DNAH10: variants seen among roughly 807,000 people sequenced by gnomAD.
DNAH10 encodes the protein dynein axonemal heavy chain 10.
Under a neutral mutation model 506.6 loss-of-function variants are expected in DNAH10, and 348 were observed. The observed-to-expected ratio is 0.69, with a 90% CI of 0.63 to 0.75. DNAH10 has a LOEUF of 0.75. DNAH10 is among the 30% of genes least tolerant of loss of function. The pLI, the probability that DNAH10 is intolerant of heterozygous loss-of-function variation, is 0.00. For missense variants in DNAH10, 5,179 were observed against 5,787.1 expected (o/e 0.89, Z 3.41); for synonymous variants, 2,059 against 2,198.6 (o/e 0.94, Z 1.78).
chr12:123,928,276 G>C lies in DNAH10; in HGVS notation c.12106-111G>C. 1.7e-5 allele frequency: 21 copies of C among 1,240,724 alleles called. No individual in the cohort carries two copies. Among genetic ancestry groups the C allele is most frequent in the Non-Finnish European group, 2.3e-5 (21 of 906,172 alleles). 76.9% of individuals were successfully genotyped at this position (1,240,724 alleles called of 1,614,324 possible). A position where few individuals can be genotyped will look rare whatever the true frequency, so the allele number is the denominator to read the frequency against. ...CTCCTGGATCCTCGGCTTGCTTTTG[G>C]CTTCTGCTGGAGCTGCCATCGCCCT... On this transcript the variant is annotated intron_variant, in intron 69 of 78. Coordinates refer to ENST00000673944, the MANE Select transcript of DNAH10 (RefSeq NM_001372106.1). The surrounding 1 kb of genome is among the most constrained non-coding windows in gnomAD (Gnocchi z 4.9).
chr12:123,919,732 G>A lies in DNAH10; in HGVS notation c.11506+783G>A, dbSNP rs1174188431. Among the ~76,000 whole-genome samples the A allele has an allele frequency of 3.3e-5, 5 of 152,188 alleles. No homozygotes were observed. The highest frequency in any genetic ancestry group is 4.4e-5 in the Non-Finnish European group (3 of 68,048). ...CATACGGTGTGTGACTTCATGACTG[G>A]TATCTTTCACTCCACTCCGTGACCT... On this transcript the variant is annotated intron_variant, in intron 65 of 78. Transcript: ENST00000673944. The surrounding 1 kb of genome is among the most constrained non-coding windows in gnomAD (Gnocchi z 4.9).
chr12:123,870,606 A>C, intron 44 of DNAH10, 121 bp downstream of exon 44: 1 of 1,388,850 alleles, frequency 7.2e-7, no homozygotes. Context: ...GAGCTGGTAG[A>C]GAAGAATTGA....
chr12:123,811,787 G>A (rs1340935611), intron 19 of DNAH10, among the ~76,000 whole-genome samples: 4 of 152,032 alleles, frequency 2.6e-5, no homozygotes, highest in Admixed American at 6.6e-5. Flanking sequence ...ACAGGCGTGA[G>A]CCACTGCGCC....
chr12:123,910,651 A>C lies in DNAH10; in HGVS notation c.10113A>C (p.Glu3371Asp). 6.2e-7 allele frequency: 1 copy of C among 1,611,286 alleles called. No homozygotes were observed. The highest frequency in any genetic ancestry group is 1.1e-5 in the South Asian group (1 of 91,038). Residue 3371 changes from glutamate (E) to aspartate (D), a missense_variant, in exon 59 of 79, where the codon GAA becomes GAC. Around this residue, in one of 3 missense-constraint regions of DNAH10, gnomAD observed 4,844 missense variants for 5,430.5 expected, o/e 0.89. Coordinates refer to ENST00000673944, the MANE Select transcript of DNAH10 (RefSeq NM_001372106.1). ...TGGGCTACTGTGATGTTTTCAGAGA[A>C]ATCAAGCCCAAAAGAGAGAAGGTAT... ...AVMGYCDVFR[E>D]IKPKREKVAR... is the part of the protein sequence containing the mutation.
In DNAH10 at chr12:123,909,727, T is replaced by C. The variant is rs1420608499; in HGVS notation, c.9997+285T>C. 6.6e-6 allele frequency among the ~76,000 whole-genome samples: 1 copy of C among 152,236 alleles called. No individual in the cohort carries two copies. The highest frequency in any genetic ancestry group is 1.5e-5 in the Non-Finnish European group (1 of 68,042). ...GTGTCAGGAAACAGGATCTTCTCAT[T>C]GGAACCTAGCCCAGCCTTGTCTTCT... On this transcript the variant is annotated intron_variant, in intron 58 of 78. Coordinates refer to ENST00000673944, the MANE Select transcript of DNAH10 (RefSeq NM_001372106.1). The surrounding 1 kb of genome is among the most constrained non-coding windows in gnomAD (Gnocchi z 5.4).
rs766669424 is a variant in DNAH10 at position 123,803,649 on chromosome 12, C to T, written c.2615-12C>T. The T allele has an allele frequency of 1.3e-6, 2 of 1,528,768 alleles. No homozygotes were observed. Among genetic ancestry groups the T allele is most frequent in the East Asian group, 2.4e-5 (1 of 41,964 alleles). 94.7% of individuals were successfully genotyped at this position (1,528,768 alleles called of 1,614,324 possible). On this transcript the variant is annotated splice_polypyrimidine_tract_variant and intron_variant, in intron 16 of 78. Transcript: ENST00000673944. The stretch of plus-strand genomic sequence containing the variant: ...GGAAGCCAAATGTCTTTCTTTCTTT[C>T]TTTCTTCAAAGGTATCGGTGACTAT...
rs150263302 is a variant in DNAH10 at position 123,930,578 on chromosome 12, G to T, written c.12784+5G>T. 1.3e-5 allele frequency: 21 copies of T among 1,605,408 alleles called. No individual in the cohort carries two copies. In the East Asian group the frequency reaches 4.7e-4, roughly 36 times the overall value. On this transcript the variant is annotated splice_donor_5th_base_variant and intron_variant, in intron 73 of 78. Coordinates refer to ENST00000673944, the MANE Select transcript of DNAH10 (RefSeq NM_001372106.1). ...ATGAAAAGGAGAAATTTGTTGGTGAGATTTCTCAGACATGAAAAGATGTTT... is the reference window on the plus strand; with the variant it reads ...ATGAAAAGGAGAAATTTGTTGGTGATATTTCTCAGACATGAAAAGATGTTT...
Position 123,843,297 on chromosome 12 carries a change from C to G in DNAH10, c.5360+1752C>G, listed in dbSNP as rs1425666113. On this transcript the variant is annotated intron_variant, in intron 30 of 78. Coordinates refer to ENST00000673944, the MANE Select transcript of DNAH10 (RefSeq NM_001372106.1). ...GAAGTTAGGGCCAGCTGTATCTAGT[C>G]CCAGGAAGCACCTTTGCCCTGGTCA... Among the ~76,000 whole-genome samples the G allele has an allele frequency of 5.3e-5, 8 of 152,304 alleles. No homozygotes were observed. The East Asian group carries it at 1.5e-3, about 29-fold the overall frequency.
chr12:123,920,117 A>G (rs1954661951), intron 65 of DNAH10, among the ~76,000 whole-genome samples: 1 of 152,236 alleles, frequency 6.6e-6, no homozygotes, highest in African/African-American at 2.4e-5. Flanking sequence ...TGGAAAACAT[A>G]TGCAAAAGAG....
chr12:123,871,675 C>T lies in DNAH10; in HGVS notation c.7785+73C>T, dbSNP rs375099411. ...TCCAGTGCATAGCAGCTTCATACCA[C>T]AAGCACTGTGATCTCACAGTTTCCG... is the stretch of plus-strand genomic sequence containing the variant. On this transcript the variant is annotated intron_variant, in intron 45 of 78. Transcript: ENST00000673944. 2.0e-4 allele frequency: 300 copies of T among 1,485,210 alleles called. 2 individuals are homozygous for T. In the East Asian group the frequency reaches 3.6e-3, roughly 18 times the overall value. 92.0% of individuals were successfully genotyped at this position (1,485,210 alleles called of 1,614,324 possible).
At position 123,918,874 on chromosome 12, in the gene DNAH10, G is replaced by A. The variant is rs1316779288; in HGVS notation, c.11431G>A (p.Asp3811Asn). 6.2e-7 allele frequency: 1 copy of A among 1,613,778 alleles called. No individual in the cohort carries two copies. The highest frequency in any genetic ancestry group is 1.3e-5 in the African/African-American group (1 of 74,914). Reference protein sequence around the residue: ...FRLSLKKSLPDSILMKRLRNI... With the variant: ...FRLSLKKSLPNSILMKRLRNI... ...GCTGTCACTGAAGAAGTCGCTGCCTGATTCCATCCTCATGAAACGCCTGAG... is the reference window on the plus strand; with the variant it reads ...GCTGTCACTGAAGAAGTCGCTGCCTAATTCCATCCTCATGAAACGCCTGAG... The change falls in exon 65 of 79, where the codon GAT (aspartate) becomes AAT (asparagine). Residue 3811 changes from aspartate to asparagine, a missense_variant. Coordinates refer to ENST00000673944, the MANE Select transcript of DNAH10 (RefSeq NM_001372106.1).
intron 58 of DNAH10, among the ~76,000 whole-genome samples, 196 bp from the exon 59 acceptor site, chr12:123,910,340 C>G (rs996637879): frequency 1.3e-5 from 2 of 152,220 alleles, no homozygotes; most frequent in African/African-American, 4.8e-5. Context: ...AACCATGTCC[C>G]TTGCCCACAT....
At chr12:123,890,679 C>T (rs1952942305) in intron 52 of DNAH10, among the ~76,000 whole-genome samples, 1 of 152,152 alleles carries the variant, frequency 6.6e-6, no homozygotes, top group African/African-American at 2.4e-5. Flanking sequence ...TTTGGAGCTA[C>T]CCCTGCAGTG....
intron 77 of DNAH10, chr12:123,934,139 G>C (rs1222934116): frequency 1.5e-6 from 1 of 658,664 alleles, no homozygotes; most frequent in Non-Finnish European, 2.8e-6. Context: ...CTCTCTCTGG[G>C]GCCACAGGAG....
In DNAH10 at chr12:123,932,145, A is replaced by C; in HGVS notation, c.13296+37A>C. 1.9e-6 allele frequency: 3 copies of C among 1,611,486 alleles called. No homozygotes were observed. The Middle Eastern group carries it at 6.5e-4, about 349-fold the overall frequency. On this transcript the variant is annotated intron_variant, in intron 76 of 78. Transcript: ENST00000673944. ...GTCACCGCCTCCTCTCTGCCGATTC[A>C]GGTGTCAGCCTAGACTCCTCAAACC... is the stretch of plus-strand genomic sequence containing the variant.
rs1370824634 is a variant in DNAH10, at chr12:123,913,252, T to C, written c.10289T>C (p.Ile3430Thr). The change falls in exon 60 of 79, where the codon ATC becomes ACC. Residue 3430 changes from isoleucine (I) to threonine (T), a missense_variant. Coordinates refer to ENST00000673944, the MANE Select transcript of DNAH10 (RefSeq NM_001372106.1). This position sits in a 1 kb window ranked among gnomAD's most constrained non-coding sequence, Gnocchi z 5.1. ...EKQKLQEEAE[I>T]MERRLIAADK... ...CAGAAGCTGCAGGAAGAAGCCGAGA[T>C]CATGGAGAGGCGGCTGATTGCCGCA... is the stretch of plus-strand genomic sequence containing the variant. The C allele has an allele frequency of 6.2e-7, 1 of 1,609,158 alleles. No homozygotes were observed.
intron 77 of DNAH10, 33 bp from the exon 78 acceptor site, chr12:123,934,588 C>T (rs754862260): frequency 4.3e-6 from 7 of 1,610,870 alleles, no homozygotes; most frequent in Non-Finnish European, 5.9e-6. Context: ...GTGCATGCTC[C>T]AGTTGTATCC....
chr12:123,867,771 A>G, intron 42 of DNAH10, 132 bp from the exon 43 acceptor site: 1 of 1,319,920 alleles, frequency 7.6e-7, no homozygotes, highest in Non-Finnish European at 1.0e-6. Context: ...ACTGGGTTCC[A>G]TCTGTCTGAA....
chr12:123,769,457 G>A (rs375961706), intron 2 of DNAH10, among the ~76,000 whole-genome samples: 50 of 152,252 alleles, frequency 3.3e-4, no homozygotes, highest in African/African-American at 1.0e-3. Flanking sequence ...GATTACAGGC[G>A]TGAGCCACCA....
Sources: gnomAD v4.1 joint callset for allele counts (sites outside exome capture counted in the v4.1 genomes callset) on GRCh38, gnomAD v4.1.1 for gene constraint, gnomAD v4.1.1 regional missense constraint, Gnocchi (gnomAD v3.1) non-coding constraint, MANE v1.5 for transcripts, NCBI Gene and HGNC (gene_info 2026-07-23, HGNC 2026-07-21) for gene names.